WDR72: variants seen among roughly 807,000 people sequenced by gnomAD.
The protein encoded by WDR72 is WD repeat domain 72.
In WDR72, 120 loss-of-function variants were observed where a neutral mutation model predicts 124.2. That is an observed-to-expected ratio of 0.97 (90% CI 0.83 to 1.12). The LOEUF (loss-of-function observed/expected upper bound fraction) is 1.12. WDR72 is among the 50% of genes most tolerant of loss of function. The pLI is 0.00. For missense variants in WDR72, 1,387 were observed against 1,278.8 expected (o/e 1.08, Z -1.29); for synonymous variants, 452 against 441.7 (o/e 1.02, Z -0.29).
At position 53,665,584 on chromosome 15, in the gene WDR72, C is replaced by A. The variant is rs748720558; in HGVS notation, c.1950G>T (p.Glu650Asp). ...GATTTGAACTTACCTTACATGAAGA[C>A]TCCACCTGCAGACCAGGGCAAGGTA... The part of the protein sequence containing the change: ...GPLPCPGLQV[E>D]SSCKVTDAKF... The change falls in exon 14 of 20, where the codon GAG becomes GAT. Residue 650 changes from glutamate to aspartate, a missense_variant. Glu to Asp is a conservative substitution (Grantham distance 45). Transcript: ENST00000360509. The A allele has an allele frequency of 3.7e-6, 6 of 1,613,820 alleles. No individual in the cohort carries two copies. Among genetic ancestry groups the A allele is most frequent in the Non-Finnish European group, 5.1e-6 (6 of 1,179,810 alleles).
At chr15:53,674,230 T>TA (rs1010665466) in intron 13 of WDR72, among the ~76,000 whole-genome samples, 22 of 152,180 alleles carry the variant, frequency 1.4e-4, no homozygotes, top group African/African-American at 4.8e-4. Flanking sequence ...GAGTAAGTTT[T>TA]AAAAAATGAC....
chr15:53,562,322 C>T (rs1219696703), intron 18 of WDR72, among the ~76,000 whole-genome samples: 1 of 151,712 alleles, frequency 6.6e-6, no homozygotes, highest in African/African-American at 2.4e-5. Flanking sequence ...TTGCCCCCCA[C>T]CCCAATTATT....
chr15:53,608,654 G>T (rs1038502191), intron 17 of WDR72, among the ~76,000 whole-genome samples: 2 of 152,026 alleles, frequency 1.3e-5, no homozygotes, highest in South Asian at 2.1e-4. Flanking sequence ...TACTCAGGAG[G>T]CTGAGGTGGG....
At chr15:53,544,828 A>G (rs1025139659) in intron 18 of WDR72, among the ~76,000 whole-genome samples, 2 of 152,040 alleles carry the variant, frequency 1.3e-5, no homozygotes, top group Admixed American at 1.3e-4. Context: ...AGGATACAAA[A>G]TCAACATACA....
intron 13 of WDR72, among the ~76,000 whole-genome samples, chr15:53,683,276 A>T (rs1021958059): frequency 2.0e-5 from 3 of 152,180 alleles, no homozygotes; most frequent in Non-Finnish European, 4.4e-5. Context: ...GTTTGGCATC[A>T]GAATAGGGTG....
At chr15:53,667,106 C>A (rs1011075740) in intron 13 of WDR72, among the ~76,000 whole-genome samples, 1 of 152,142 alleles carries the variant, frequency 6.6e-6, no homozygotes, top group Non-Finnish European at 1.5e-5. Context: ...AATCCCAGCA[C>A]TTTTGGAGCC....
intron 17 of WDR72, 21 bp downstream of exon 17, chr15:53,609,492 T>G (rs148093551): frequency 5.6e-6 from 9 of 1,605,768 alleles, no homozygotes; most frequent in Non-Finnish European, 7.7e-6. Flanking sequence ...AATAACGTCA[T>G]GAATGTGAAT....
chr15:53,761,289 A>G (rs2019059043), upstream of WDR72, among the ~76,000 whole-genome samples: 1 of 152,188 alleles, frequency 6.6e-6, no homozygotes, highest in Non-Finnish European at 1.5e-5. Context: ...CCAAATTCAA[A>G]CGGCTCATAT....
At chr15:53,739,615 G>C (rs1033387754) in intron 1 of WDR72, among the ~76,000 whole-genome samples, 6 of 152,040 alleles carry the variant, frequency 3.9e-5, no homozygotes, top group African/African-American at 1.4e-4. Context: ...CTGCAAAGCA[G>C]GTAGTGAGAA....
chr15:53,601,375 G>C (rs894136718), intron 17 of WDR72, among the ~76,000 whole-genome samples: 1 of 152,056 alleles, frequency 6.6e-6, no homozygotes, highest in East Asian at 1.9e-4. Context: ...AATATAGAAA[G>C]GAGGGACTGT....
intron 1 of WDR72, among the ~76,000 whole-genome samples, chr15:53,753,306 G>T (rs920589865): frequency 6.6e-6 from 1 of 152,176 alleles, no homozygotes; most frequent in Non-Finnish European, 1.5e-5. Flanking sequence ...ATATGGACAA[G>T]GCCTATTTGG....
At chr15:53,569,501 T>A (rs192016466) in intron 18 of WDR72, among the ~76,000 whole-genome samples, 3 of 152,032 alleles carry the variant, frequency 2.0e-5, no homozygotes, top group Non-Finnish European at 4.4e-5. Context: ...AGAGATAAGA[T>A]TGAAACCATC....
At chr15:53,531,120 C>T (rs1487403239) in intron 18 of WDR72, among the ~76,000 whole-genome samples, 1 of 152,008 alleles carries the variant, frequency 6.6e-6, no homozygotes, top group Non-Finnish European at 1.5e-5. Context: ...AAGAAGGATG[C>T]AAGGAAGAAC....
intron 1 of WDR72, among the ~76,000 whole-genome samples, chr15:53,737,282 A>G (rs1280538876): frequency 6.6e-6 from 1 of 152,204 alleles, no homozygotes; most frequent in African/African-American, 2.4e-5. Context: ...AGTCTGCTTG[A>G]AGGACCTCCC....
chr15:53,525,119 C>T (rs1270056733), intron 18 of WDR72, among the ~76,000 whole-genome samples: 1 of 151,966 alleles, frequency 6.6e-6, no homozygotes, highest in Non-Finnish European at 1.5e-5. Flanking sequence ...GTTTAATTTT[C>T]TTAATTTTCT....
chr15:53,692,923 T>G (rs1261859581), intron 13 of WDR72, among the ~76,000 whole-genome samples: 1 of 152,184 alleles, frequency 6.6e-6, no homozygotes, highest in Non-Finnish European at 1.5e-5. Context: ...TTTTCTTTCC[T>G]AAAACCAATC....
chr15:53,553,467 A>T (rs1893817058), intron 18 of WDR72, among the ~76,000 whole-genome samples: 1 of 152,182 alleles, frequency 6.6e-6, no homozygotes. Context: ...TGATATTTAT[A>T]GAAATATTTC....
At chr15:53,705,682 C>T (rs575719653) in intron 10 of WDR72, among the ~76,000 whole-genome samples, 9 of 152,192 alleles carry the variant, frequency 5.9e-5, no homozygotes, top group East Asian at 3.9e-4. Flanking sequence ...AGGCTGGTCT[C>T]GAAGTCCTTT....
upstream of WDR72, among the ~76,000 whole-genome samples, chr15:53,760,026 T>G (rs2019031845): frequency 6.6e-6 from 1 of 151,788 alleles, no homozygotes; most frequent in South Asian, 2.1e-4. Context: ...CTTTTTTTTT[T>G]TTTTTTTTAA....
Sources: allele counts gnomAD v4.1 joint callset (sites outside exome capture counted in the v4.1 genomes callset), GRCh38; gene constraint gnomAD v4.1.1; transcripts MANE v1.5; gene names NCBI Gene and HGNC (gene_info 2026-07-23, HGNC 2026-07-21).